The following MID2 variants were observed in gnomAD, a reference collection of about 807,000 sequenced individuals.
MID2 encodes the protein midline 2, also known as probable E3 ubiquitin-protein ligase MID2.
MID2 carries 13 observed loss-of-function variants against 46.1 expected under a neutral mutation model. The observed-to-expected ratio is 0.28, with a 90% CI of 0.18 to 0.45. The LOEUF (loss-of-function observed/expected upper bound fraction) is 0.45, where lower values mean the gene tolerates loss of function less well. Among genes scored for constraint, MID2 ranks in the 20% least tolerant of loss-of-function variants. MID2 has a pLI of 1.00. For synonymous variants in MID2, 199 were observed against 212.3 expected (o/e 0.94, Z 0.55); for missense variants, 431 against 575.4 (o/e 0.75, Z 2.57).
At chrX:107,846,316 G>A (rs1456688987) in intron 2 of MID2, among the ~76,000 whole-genome samples, 1 of 111,940 alleles carries the variant, frequency 8.9e-6, no homozygotes, top group Non-Finnish European at 1.9e-5. Context: ...CTAAATCACA[G>A]TAGCTAAATA....
chrX:107,836,553 C>CT (rs35453729), intron 1 of MID2, among the ~76,000 whole-genome samples: 1,335 of 102,327 alleles, frequency 0.013, 8 homozygotes, highest in Middle Eastern at 0.02. Flanking sequence ...GCCCAGCCTA[C>CT]TTTTTTTTTT....
chrX:107,926,194 C>T lies in MID2; in HGVS notation c.1698C>T (p.Ser566=). The change falls in exon 9 of 10, where the codon AGC becomes AGT. Residue 566 remains serine (S), a synonymous_variant. Transcript: ENST00000262843. ...MEKDESSLKK[S]HTPERFSGTG... ...AGGATGAAAGCTCTCTAAAGAAGAGCCACACCCCAGAGAGGTTTAGTGGCA... is the reference window on the plus strand; with the variant it reads ...AGGATGAAAGCTCTCTAAAGAAGAGTCACACCCCAGAGAGGTTTAGTGGCA... The T allele has an allele frequency of 1.7e-6, 2 of 1,207,732 alleles. No individual in the cohort carries two copies. The highest frequency in any genetic ancestry group is 2.2e-6 in the Non-Finnish European group (2 of 892,568).
At chrX:107,909,993 C>T (rs960035749) in intron 5 of MID2, among the ~76,000 whole-genome samples, 1 of 112,454 alleles carries the variant, frequency 8.9e-6, no homozygotes, top group Non-Finnish European at 1.9e-5. Flanking sequence ...TCCATTACCT[C>T]ACCATTTTTT....
intron 1 of MID2, among the ~76,000 whole-genome samples, chrX:107,831,583 T>C (rs1194607428): frequency 8.9e-6 from 1 of 112,066 alleles, no homozygotes; most frequent in Non-Finnish European, 1.9e-5. Context: ...CCCAGGGAAG[T>C]AGAAGCTTGA....
chrX:107,839,114 TA>T (rs765546882), intron 1 of MID2, among the ~76,000 whole-genome samples: 51 of 105,183 alleles, frequency 4.8e-4, no homozygotes, highest in Non-Finnish European at 7.9e-4. Context: ...GACACCTTGT[TA>T]AAAAAAAAAG....
chrX:107,894,860 T>A (rs868308252), intron 3 of MID2: 41 of 41,526 alleles, frequency 9.9e-4, no homozygotes, highest in African/African-American at 2.6e-3. Context: ...TGTGTGTGTG[T>A]GTGTGAAAGA....
intron 1 of MID2, among the ~76,000 whole-genome samples, chrX:107,834,018 T>C (rs750467166): frequency 9.0e-6 from 1 of 111,211 alleles, no homozygotes; most frequent in African/African-American, 3.3e-5. Context: ...GGTCTCGAAT[T>C]CCTAGGCTCA....
chrX:107,929,482 C>T lies in MID2; in HGVS notation c.*2409C>T, dbSNP rs936076055. ...TTAACTATTTACACAACTATTCACACAAGTTATTCTCTGGGCCTGCAGCAG... is the reference window on the plus strand; with the variant it reads ...TTAACTATTTACACAACTATTCACATAAGTTATTCTCTGGGCCTGCAGCAG... On this transcript the variant is annotated 3_prime_UTR_variant, in exon 10 of 10. Transcript: ENST00000262843. Among the ~76,000 whole-genome samples the T allele has an allele frequency of 4.5e-5, 5 of 111,548 alleles. No individual in the cohort carries two copies. Among genetic ancestry groups the T allele is most frequent in the Admixed American group, 3.8e-4 (4 of 10,461 alleles).
At chrX:107,834,438 C>T (rs1368924515) in intron 1 of MID2, among the ~76,000 whole-genome samples, 2 of 111,899 alleles carry the variant, frequency 1.8e-5, no homozygotes, top group Non-Finnish European at 3.8e-5. Flanking sequence ...TTGAGTTGCA[C>T]CCTATCAGAT....
rs777867633 is a variant in MID2, at chrX:107,868,403, C to A, written c.816+13699C>A. 2.7e-5 allele frequency among the ~76,000 whole-genome samples: 3 copies of A among 111,122 alleles called. No individual in the cohort carries two copies. In the South Asian group the frequency reaches 1.2e-3, roughly 43 times the overall value. ...GAAAGACTTAAATATCTTGAAATGT[C>A]AATGGGAAGGAGTGGAACCAGAAGA... On this transcript the variant is annotated intron_variant, in intron 3 of 9. Transcript: ENST00000262843.
intron 3 of MID2, among the ~76,000 whole-genome samples, chrX:107,881,446 A>G (rs1356444716): frequency 8.9e-6 from 1 of 112,449 alleles, no homozygotes; most frequent in African/African-American, 3.2e-5. Context: ...CCATCCCTGC[A>G]TCCTCTAGAT....
chrX:107,845,517 A>T (rs866629095), intron 2 of MID2, among the ~76,000 whole-genome samples: 3 of 84,981 alleles, frequency 3.5e-5, no homozygotes, highest in Admixed American at 1.1e-4. Flanking sequence ...ACACACACAC[A>T]CACACACACT....
At chrX:107,917,760 T>C in intron 7 of MID2, 21 bp downstream of exon 7, 1 of 1,178,943 alleles carries the variant, frequency 8.5e-7, no homozygotes, top group Non-Finnish European at 1.2e-6. Flanking sequence ...GTAAGACATG[T>C]TAGGTTGTTT....
chrX:107,895,426 T>G (rs1460913749), intron 3 of MID2: 3 of 111,954 alleles, frequency 2.7e-5, no homozygotes, highest in Non-Finnish European at 5.6e-5. Context: ...AATCATATAG[T>G]ATGTAAAATA....
intron 2 of MID2, among the ~76,000 whole-genome samples, chrX:107,849,916 C>A (rs1931571859): frequency 1.8e-5 from 2 of 111,822 alleles, no homozygotes; most frequent in African/African-American, 6.5e-5. Flanking sequence ...GAGCTTCATC[C>A]TGCCCCCTGG....
chrX:107,898,740 T>G (rs913042804), intron 3 of MID2, among the ~76,000 whole-genome samples: 1 of 111,621 alleles, frequency 9.0e-6, no homozygotes, highest in African/African-American at 3.3e-5. Flanking sequence ...TTTGTTGAAA[T>G]AAAAACTTCC....
intron 7 of MID2, among the ~76,000 whole-genome samples, chrX:107,918,089 A>G (rs753622522): frequency 8.1e-5 from 9 of 111,727 alleles, no homozygotes; most frequent in East Asian, 2.8e-4. Flanking sequence ...ACCTACCTCT[A>G]TCAGTGAATA....
Position 107,915,557 on chromosome X carries a change from C to CA in MID2, c.1074-432dup, listed in dbSNP as rs373121859. ...TGGGTGACACAGCAAGACTCTGTCT[C>CA]AAAAAAAAAAAAATCACATAAAGGA... On this transcript the variant is annotated intron_variant, in intron 5 of 9. Transcript: ENST00000262843. Among the ~76,000 whole-genome samples the CA allele has an allele frequency of 1.9e-3, 178 of 92,780 alleles. 1 individual carries two copies. The highest frequency in any genetic ancestry group is 6.3e-3 in the South Asian group (13 of 2,055). The allele number at this position is 92,780 out of a possible 115,157, so 80.6% of individuals were successfully genotyped here.
chrX:107,848,659 T>C (rs1025048344), intron 2 of MID2, among the ~76,000 whole-genome samples: 2 of 111,609 alleles, frequency 1.8e-5, no homozygotes, highest in African/African-American at 6.5e-5. Flanking sequence ...TTCTGGGACG[T>C]AGCCTGTGTC....
Sources: allele counts gnomAD v4.1 joint callset (sites outside exome capture counted in the v4.1 genomes callset), GRCh38; gene constraint gnomAD v4.1.1; transcripts MANE v1.5; gene names NCBI Gene and HGNC (gene_info 2026-07-23, HGNC 2026-07-21).